ZNF423: variants seen among roughly 807,000 people sequenced by gnomAD.
ZNF423 encodes the protein Ebf-associated zinc finger protein.
In ZNF423, 12 loss-of-function variants were observed where a neutral mutation model predicts 95.8. That is an observed-to-expected ratio of 0.13 (90% CI 0.08 to 0.20). The LOEUF is 0.20. Among genes scored for constraint, ZNF423 ranks in the 10% least tolerant of loss-of-function variants. ZNF423 has a pLI of 1.00. For missense variants in ZNF423, 1,316 were observed against 1,737.1 expected (o/e 0.76, Z 4.31); for synonymous variants, 749 against 711.9 (o/e 1.05, Z -0.83).
intron 5 of ZNF423, among the ~76,000 whole-genome samples, chr16:49,532,773 C>T (rs971369160): frequency 6.6e-6 from 1 of 152,200 alleles, no homozygotes; most frequent in Non-Finnish European, 1.5e-5. Flanking sequence ...GGGGCCAGGG[C>T]TTGAAATCAA....
chr16:49,759,321 C>T (rs945480237), intron 2 of ZNF423, among the ~76,000 whole-genome samples: 2 of 152,112 alleles, frequency 1.3e-5, no homozygotes, highest in East Asian at 1.9e-4. Context: ...ATCGCTTGAA[C>T]CCGGGAGGCG....
At chr16:49,768,125 G>A (rs529786580) in intron 2 of ZNF423, among the ~76,000 whole-genome samples, 1 of 152,338 alleles carries the variant, frequency 6.6e-6, no homozygotes, top group African/African-American at 2.4e-5. Flanking sequence ...GCACGAGGCT[G>A]GCAATTTCAG....
chr16:49,581,282 C>G (rs1275522579), intron 5 of ZNF423, among the ~76,000 whole-genome samples: 1 of 152,164 alleles, frequency 6.6e-6, no homozygotes, highest in Non-Finnish European at 1.5e-5. Context: ...AAAAAGCAAA[C>G]AATTATGTGC....
chr16:49,511,992 A>C (rs1159128830), intron 7 of ZNF423, among the ~76,000 whole-genome samples: 1 of 152,206 alleles, frequency 6.6e-6, no homozygotes, highest in Non-Finnish European at 1.5e-5. Flanking sequence ...TGTATTTAGT[A>C]TGTAGTATGA....
chr16:49,528,923 G>C (rs373003875), intron 5 of ZNF423, among the ~76,000 whole-genome samples: 1 of 151,950 alleles, frequency 6.6e-6, no homozygotes, highest in Admixed American at 6.6e-5. Context: ...ACAACCTCTC[G>C]TTCCACCCCA....
At chr16:49,532,805 T>C (rs981749971) in intron 5 of ZNF423, among the ~76,000 whole-genome samples, 1 of 152,192 alleles carries the variant, frequency 6.6e-6, no homozygotes, top group African/African-American at 2.4e-5. Flanking sequence ...TCCGGTCACA[T>C]ATCAGAAAGA....
At chr16:49,625,349 T>C (rs903000994) in intron 5 of ZNF423, among the ~76,000 whole-genome samples, 4 of 152,158 alleles carry the variant, frequency 2.6e-5, no homozygotes, top group South Asian at 2.1e-4. Flanking sequence ...TGAGGCTCTG[T>C]CTAAAATAAA....
intron 5 of ZNF423, among the ~76,000 whole-genome samples, chr16:49,592,878 G>T (rs1285801321): frequency 6.6e-6 from 1 of 152,154 alleles, no homozygotes; most frequent in African/African-American, 2.4e-5. Flanking sequence ...AGATTCACAG[G>T]CTCAACTTCT....
At chr16:49,515,170 A>G (rs982629280) in intron 7 of ZNF423, among the ~76,000 whole-genome samples, 2 of 152,244 alleles carry the variant, frequency 1.3e-5, no homozygotes, top group Non-Finnish European at 2.9e-5. Context: ...CAGGGTTTGC[A>G]GGGTCCTGGC....
chr16:49,653,268 A>T (rs1973482534), intron 3 of ZNF423, among the ~76,000 whole-genome samples: 1 of 135,942 alleles, frequency 7.4e-6, no homozygotes, highest in Non-Finnish European at 1.5e-5. Context: ...CCTGAAGGAA[A>T]CCCTGAACAG....
chr16:49,796,222 G>A (rs2034496722), intron 1 of ZNF423, among the ~76,000 whole-genome samples: 1 of 152,126 alleles, frequency 6.6e-6, no homozygotes, highest in African/African-American at 2.4e-5. Flanking sequence ...ATTGGCCACA[G>A]CTCGTCCCCT....
intron 5 of ZNF423, among the ~76,000 whole-genome samples, chr16:49,624,300 C>A (rs1168577596): frequency 2.0e-5 from 3 of 152,058 alleles, no homozygotes; most frequent in Non-Finnish European, 4.4e-5. Flanking sequence ...CCTGTAATCC[C>A]AGAAATTCGG....
intron 3 of ZNF423, among the ~76,000 whole-genome samples, chr16:49,639,934 C>G (rs959879545): frequency 6.6e-6 from 1 of 152,198 alleles, no homozygotes; most frequent in Admixed American, 6.5e-5. Context: ...CGGCGGGGGC[C>G]GAGCAGAGCC....
intron 5 of ZNF423, among the ~76,000 whole-genome samples, chr16:49,585,384 C>T (rs1372859070): frequency 6.6e-6 from 1 of 152,200 alleles, no homozygotes; most frequent in Non-Finnish European, 1.5e-5. Context: ...CCCACAGCTA[C>T]CAATGGAGGG....
chr16:49,769,994 A>G (rs1038522082), intron 2 of ZNF423, among the ~76,000 whole-genome samples: 5 of 151,744 alleles, frequency 3.3e-5, no homozygotes, highest in East Asian at 1.9e-4. Flanking sequence ...CACTCTATCT[A>G]TCTGGTCACC....
At chr16:49,644,043 A>G (rs1489916411) in intron 3 of ZNF423, among the ~76,000 whole-genome samples, 1 of 152,246 alleles carries the variant, frequency 6.6e-6, no homozygotes, top group African/African-American at 2.4e-5. Flanking sequence ...GTGGCCGCCC[A>G]GAATGGCTGG....
intron 5 of ZNF423, among the ~76,000 whole-genome samples, chr16:49,553,305 T>C (rs1393637714): frequency 1.3e-5 from 2 of 152,088 alleles, no homozygotes; most frequent in African/African-American, 2.4e-5. Context: ...TGATTAAAAA[T>C]GTAAACATTA....
intron 3 of ZNF423, among the ~76,000 whole-genome samples, chr16:49,712,780 A>G (rs2032585709): frequency 6.6e-6 from 1 of 152,232 alleles, no homozygotes; most frequent in Non-Finnish European, 1.5e-5. Context: ...AGTGGAAACC[A>G]CGTGTGATGG....
chr16:49,681,015 C>G (rs555637560), intron 3 of ZNF423, among the ~76,000 whole-genome samples: 1 of 152,288 alleles, frequency 6.6e-6, no homozygotes, highest in South Asian at 2.1e-4. Flanking sequence ...TAAGAAATGT[C>G]GGTGTCCAAA....
Sources: allele counts gnomAD v4.1 joint callset (sites outside exome capture counted in the v4.1 genomes callset), GRCh38; gene constraint gnomAD v4.1.1; transcripts MANE v1.5; gene names NCBI Gene and HGNC (gene_info 2026-07-23, HGNC 2026-07-21).